Variants in TLN1 observed in about 807,000 individuals in gnomAD.
TLN1 encodes talin 1.
A neutral mutation model predicts 292.3 loss-of-function variants in TLN1; 56 were observed. The observed-to-expected ratio is 0.19, with a 90% CI of 0.15 to 0.24. TLN1 has a LOEUF of 0.24. TLN1 is among the 10% of genes least tolerant of loss of function. The pLI, the probability that TLN1 is intolerant of heterozygous loss-of-function variation, is 1.00. For missense variants in TLN1, 2,433 were observed against 3,248.2 expected, an observed-to-expected ratio of 0.75 and a Z score of 6.10; for synonymous variants, 1,119 against 1,253.7, an observed-to-expected ratio of 0.89 and a Z score of 2.27.
In TLN1 at chr9:35,707,114, C is replaced by A; in HGVS notation, c.4913G>T (p.Arg1638Leu). ...CTTCTTGATGGAGTCTGAGACAGTACGGGAGTGGCCGGCCAGCACCGACCA... is the reference window on the plus strand; with the variant it reads ...CTTCTTGATGGAGTCTGAGACAGTAAGGGAGTGGCCGGCCAGCACCGACCA... ...PSWSVLAGHS[R>L]TVSDSIKKLI... Residue 1638 changes from arginine (R) to leucine (L), a missense_variant, in exon 37 of 57, where the codon CGT becomes CTT. Physicochemically the swap from Arg to Leu is moderately radical, Grantham distance 102 (BLOSUM62 -2). Around this residue, in one of 7 missense-constraint regions of TLN1, gnomAD observed 1,384 missense variants for 1,699.6 expected, o/e 0.81. Transcript: ENST00000314888. This position sits in a 1 kb window ranked among gnomAD's most constrained non-coding sequence, Gnocchi z 5.6. The A allele has an allele frequency of 1.2e-6, 2 of 1,612,656 alleles. No homozygotes were observed. Among genetic ancestry groups the A allele is most frequent in the Admixed American group, 1.7e-5 (1 of 59,598 alleles).
At position 35,708,453 on chromosome 9, in the gene TLN1, T is replaced by C. The variant is rs539650286; in HGVS notation, c.4358A>G (p.Asn1453Ser). ...TAGCCCTTGCTGTCCAGCTTGGCTA[T>C]TGGGGTCAGAGACACCAACCAGATA... ...AAYLVGVSDP[N>S]SQAGQQGLVE... is the part of the protein sequence containing the mutation. Residue 1453 changes from asparagine to serine, a missense_variant, in exon 34 of 57, where the codon AAT (asparagine) becomes AGT (serine). Physicochemically the swap from Asn to Ser is conservative, Grantham distance 46. Around this residue, in one of 7 missense-constraint regions of TLN1, gnomAD observed 1,384 missense variants for 1,699.6 expected, o/e 0.81. Transcript: ENST00000314888. 214 of 1,600,268 alleles carry C rather than the reference T, an allele frequency of 1.3e-4. No homozygotes were observed. Among genetic ancestry groups the C allele is most frequent in the South Asian group, 4.0e-4 (36 of 89,700 alleles).
At chr9:35,701,366 C>T (rs1825464411) in intron 48 of TLN1, among the ~76,000 whole-genome samples, 1 of 152,094 alleles carries the variant, frequency 6.6e-6, no homozygotes, top group Admixed American at 6.5e-5. Flanking sequence ...AGACTTGAAC[C>T]CCTGGGCTCA....
In TLN1 at chr9:35,704,538, A is replaced by G; in HGVS notation, c.5881-40T>C. 6.3e-7 allele frequency: 1 copy of G among 1,585,472 alleles called. No homozygotes were observed. Among genetic ancestry groups the G allele is most frequent in the Non-Finnish European group, 8.6e-7 (1 of 1,163,992 alleles). On this transcript the variant is annotated intron_variant, in intron 44 of 56. Transcript: ENST00000314888. This position sits in a 1 kb window ranked among gnomAD's most constrained non-coding sequence, Gnocchi z 6.9. ...TCACATGGTGACTGTGGAAGGTGCC[A>G]TGTGAAATGGAAAGGTTGCCCATGC... is the stretch of plus-strand genomic sequence containing the variant.
At chr9:35,723,742 A>C in intron 7 of TLN1, 1 of 632,064 alleles carries the variant, frequency 1.6e-6, no homozygotes, top group Non-Finnish European at 2.6e-6. Flanking sequence ...AGATGGGGGT[A>C]GGGGCAGAGA....
chr9:35,710,104 T>C (rs1825638596), intron 33 of TLN1, among the ~76,000 whole-genome samples: 2 of 143,480 alleles, frequency 1.4e-5, no homozygotes, highest in Admixed American at 7.1e-5. Flanking sequence ...GCGCCTGTAG[T>C]CCCAGCTACT....
At position 35,713,187 on chromosome 9, in the gene TLN1, C is replaced by T; in HGVS notation, c.3352+9G>A. ...AATATGCCCCATGCCTGGCTCTCTGCCCACATACCTGCATAATTCTCATTG... is the reference window on the plus strand; with the variant it reads ...AATATGCCCCATGCCTGGCTCTCTGTCCACATACCTGCATAATTCTCATTG... On this transcript the variant is annotated intron_variant, in intron 26 of 56. Transcript: ENST00000314888. 1 of 1,589,272 alleles carries T rather than the reference C, an allele frequency of 6.3e-7. No homozygotes were observed. The highest frequency in any genetic ancestry group is 8.6e-7 in the Non-Finnish European group (1 of 1,159,698).
chr9:35,698,961 G>T lies in TLN1; in HGVS notation c.7000-28C>A, dbSNP rs1186045262. ...GCAATAAGCGAAGGTTGCAGAAAGA[G>T]ATGTAAAGTCAGAGATGAAGGTGGG... On this transcript the variant is annotated intron_variant, in intron 52 of 56. Transcript: ENST00000314888. The surrounding 1 kb of genome is among the most constrained non-coding windows in gnomAD (Gnocchi z 5.3). The T allele has an allele frequency of 1.9e-6, 3 of 1,611,402 alleles. No homozygotes were observed. The highest frequency in any genetic ancestry group is 4.5e-5 in the East Asian group (2 of 44,794).
rs932070202 is a variant in TLN1, at chr9:35,705,839, G to T, written c.5524C>A (p.Pro1842Thr). The T allele has an allele frequency of 1.2e-6, 2 of 1,614,102 alleles. No homozygotes were observed. Among genetic ancestry groups the T allele is most frequent in the Non-Finnish European group, 1.7e-6 (2 of 1,180,046 alleles). The change falls in exon 42 of 57, where the codon CCA (proline) becomes ACA (threonine). Residue 1842 changes from proline (P) to threonine (T), a missense_variant. Transcript: ENST00000314888. ...AAGGAACCTTCTGGTTCACCCATTG[G>T]TCCTTCATCTAGCTGAGGGGGGAGG... is the stretch of plus-strand genomic sequence containing the variant. ...TQAINQLDEG[P>T]MGEPEGSFVD...
At chr9:35,721,902 G>T in intron 9 of TLN1, 99 bp from the exon 10 acceptor site, 1 of 1,492,456 alleles carries the variant, frequency 6.7e-7, no homozygotes, top group Non-Finnish European at 9.2e-7. Context: ...TGAGGTGGCC[G>T]GGAGGGCTAA....
In TLN1 at chr9:35,708,347, C is replaced by G; in HGVS notation, c.4464G>C (p.Gln1488His). The G allele has an allele frequency of 6.2e-7, 1 of 1,605,186 alleles. No homozygotes were observed. Among genetic ancestry groups the G allele is most frequent in the Non-Finnish European group, 8.5e-7 (1 of 1,175,072 alleles). Residue 1488 changes from glutamine (Q) to histidine (H), a missense_variant, in exon 34 of 57, where the codon CAG (glutamine) becomes CAC (histidine). Gln to His is a conservative substitution (Grantham distance 24). This residue lies in a region of TLN1 where 1,384 missense variants were observed against 1,699.6 expected (regional missense o/e 0.81). Coordinates refer to ENST00000314888, the MANE Select transcript of TLN1 (RefSeq NM_006289.4). ...CCCTGTTCCCTTGAGTTACCTGGGC[C>G]TGGGTACAGCCAGGCTCTCCCAAAC... ...CQSLGEPGCT[Q>H]AQVLSAATIV...
In TLN1 at chr9:35,719,268, T is replaced by C; in HGVS notation, c.1702A>G (p.Thr568Ala). The C allele has an allele frequency of 6.2e-7, 1 of 1,613,448 alleles. No homozygotes were observed. The highest frequency in any genetic ancestry group is 8.5e-7 in the Non-Finnish European group (1 of 1,179,546). ...GCACAGCCCACTGCGGTATAGTCTG[T>C]CTCAGCAGGGTCCCCTAAGGGGAAA... ...VNLTAGDPAE[T>A]DYTAVGCAVT... The change falls in exon 16 of 57, where the codon ACA becomes GCA. Residue 568 changes from threonine (T) to alanine (A), a missense_variant. Thr to Ala is a moderately conservative substitution (Grantham distance 58, BLOSUM62 0). This residue lies in a region of TLN1 where 617 missense variants were observed against 770.6 expected (regional missense o/e 0.80). Transcript: ENST00000314888. The surrounding 1 kb of genome is among the most constrained non-coding windows in gnomAD (Gnocchi z 4.6).
rs751965080 is a variant in TLN1 at position 35,707,360 on chromosome 9, C to T, written c.4761G>A (p.Gln1587=). ...SNPEFSSIPA[Q]ISPEGRAAME... The stretch of plus-strand genomic sequence containing the variant: ...CACATCGCCTCACCTCAGGGCTGAT[C>T]TGGGCAGGAATGCTGGAGAACTCAG... Residue 1587 remains glutamine, a synonymous_variant, in exon 36 of 57, where the codon CAG becomes CAA. Coordinates refer to ENST00000314888, the MANE Select transcript of TLN1 (RefSeq NM_006289.4). This position sits in a 1 kb window ranked among gnomAD's most constrained non-coding sequence, Gnocchi z 5.6. 3.1e-6 allele frequency: 5 copies of T among 1,614,150 alleles called. 1 individual carries two copies. The South Asian group carries it at 3.3e-5, about 11-fold the overall frequency.
Position 35,712,900 on chromosome 9 carries a change from T to G in TLN1, c.3496A>C (p.Ile1166Leu), listed in dbSNP as rs1462643556. Residue 1166 changes from isoleucine (I) to leucine (L), a missense_variant, in exon 27 of 57, where the codon ATT (isoleucine) becomes CTT (leucine). Coordinates refer to ENST00000314888, the MANE Select transcript of TLN1 (RefSeq NM_006289.4). ...SDVLDKASSL[I>L]EEAKKAAGHP... ...CCAGCTGCCTTTTTCGCCTCCTCAA[T>G]GAGGCTGCTGGCCTTGTCCAGCACA... 2 of 1,603,972 alleles carry G rather than the reference T, an allele frequency of 1.2e-6. No homozygotes were observed. Among genetic ancestry groups the G allele is most frequent in the East Asian group, 4.5e-5 (2 of 44,570 alleles).
At chr9:35,715,238 A>G in intron 20 of TLN1, 51 bp from the exon 21 acceptor site, 9 of 1,593,636 alleles carry the variant, frequency 5.6e-6, no homozygotes, top group Non-Finnish European at 6.8e-6. Context: ...TGTGGATCCT[A>G]AAGAAGCTCC....
At chr9:35,710,341 C>A (rs1443090321) in intron 33 of TLN1, among the ~76,000 whole-genome samples, 2 of 151,956 alleles carry the variant, frequency 1.3e-5, no homozygotes, top group Non-Finnish European at 2.9e-5. Context: ...CAGTGTAATC[C>A]TAACCAAAGT....
chr9:35,715,277 A>T, intron 20 of TLN1, 90 bp from the exon 21 acceptor site: 1 of 1,504,030 alleles, frequency 6.6e-7, no homozygotes, highest in Non-Finnish European at 8.9e-7. Context: ...TCAGTTTAAA[A>T]TTCATGTATT....
rs1415573437 is a variant in TLN1, at chr9:35,698,228, C to T, written c.7372-56G>A. 1.2e-6 allele frequency: 2 copies of T among 1,610,330 alleles called. No homozygotes were observed. The highest frequency in any genetic ancestry group is 8.5e-7 in the Non-Finnish European group (1 of 1,177,362). On this transcript the variant is annotated intron_variant, in intron 55 of 56. Transcript: ENST00000314888. This position sits in a 1 kb window ranked among gnomAD's most constrained non-coding sequence, Gnocchi z 5.3. ...AACTCAGGTACGGTCCCAGTTGAGA[C>T]AGTACCTCAATTCTCTCATAGAAAC... is the stretch of plus-strand genomic sequence containing the variant.
Position 35,712,236 on chromosome 9 carries a change from A to G in TLN1, c.3562-112T>C, listed in dbSNP as rs549682545. On this transcript the variant is annotated intron_variant, in intron 27 of 56. Coordinates refer to ENST00000314888, the MANE Select transcript of TLN1 (RefSeq NM_006289.4). ...CTACTGCCTCTGAAAGTGAAAAAAGAAAGGGGGCGTTGTAGGTGAACAGGC... is the reference window on the plus strand; with the variant it reads ...CTACTGCCTCTGAAAGTGAAAAAAGGAAGGGGGCGTTGTAGGTGAACAGGC... 53 of 1,394,550 alleles carry G rather than the reference A, an allele frequency of 3.8e-5. No homozygotes were observed. The Admixed American group carries it at 7.8e-4, about 21-fold the overall frequency. The allele number at this position is 1,394,550 out of a possible 1,614,324, so 86.4% of individuals were successfully genotyped here.
Position 35,707,050 on chromosome 9 carries a change from CTGG to C in TLN1, c.4955+19_4955+21del. The stretch of plus-strand genomic sequence containing the variant: ...CCACAATGTATGCCCCCCAGCCACA[CTGG>C]TTCCCCATCCCTCAATACCTCATGC... On this transcript the variant is annotated intron_variant, in intron 37 of 56. Coordinates refer to ENST00000314888, the MANE Select transcript of TLN1 (RefSeq NM_006289.4). This position sits in a 1 kb window ranked among gnomAD's most constrained non-coding sequence, Gnocchi z 5.6. The C allele has an allele frequency of 6.2e-7, 1 of 1,610,536 alleles. No individual in the cohort carries two copies. Among genetic ancestry groups the C allele is most frequent in the Non-Finnish European group, 8.5e-7 (1 of 1,179,028 alleles).
Sources: gnomAD v4.1 joint callset for allele counts (sites outside exome capture counted in the v4.1 genomes callset) on GRCh38, gnomAD v4.1.1 for gene constraint, gnomAD v4.1.1 regional missense constraint, Gnocchi (gnomAD v3.1) non-coding constraint, MANE v1.5 for transcripts, NCBI Gene and HGNC (gene_info 2026-07-23, HGNC 2026-07-21) for gene names.